Variants in PCCB observed in about 807,000 individuals in gnomAD.
The protein encoded by PCCB is propionyl-CoA carboxylase beta chain, mitochondrial.
In PCCB, 43 loss-of-function variants were observed where a neutral mutation model predicts 60.7. The ratio of observed to expected loss-of-function variants is 0.71; its 90% CI spans 0.55 to 0.91. The LOEUF is 0.91. Among genes scored for constraint, PCCB ranks in the 40% least tolerant of loss-of-function variants. The pLI, the probability that PCCB is intolerant of heterozygous loss-of-function variation, is 0.00. For missense variants in PCCB, 766 were observed against 702.8 expected (o/e 1.09, Z -1.02); for synonymous variants, 276 against 255.9 (o/e 1.08, Z -0.75).
At chr3:136,284,940 T>C (rs1300719703) in intron 6 of PCCB, among the ~76,000 whole-genome samples, 2 of 151,804 alleles carry the variant, frequency 1.3e-5, no homozygotes, top group Non-Finnish European at 2.9e-5. Flanking sequence ...ATACAAAAAT[T>C]AGCTGGGCGT....
Position 136,329,927 on chromosome 3 carries a change from A to T in PCCB, c.1521A>T (p.Gln507His). ...CAGGGTTTGTGGATGACATCATCCA[A>T]CCTTCTTCCACACGTGCCCGAATCT... ...AVRGFVDDII[Q>H]PSSTRARICC... The change falls in exon 15 of 15, where the codon CAA becomes CAT. Residue 507 changes from glutamine to histidine, a missense_variant. Physicochemically the swap from Gln to His is conservative, Grantham distance 24 (BLOSUM62 0). Transcript: ENST00000251654. 4 of 1,614,128 alleles carry T rather than the reference A, an allele frequency of 2.5e-6. No homozygotes were observed. The highest frequency in any genetic ancestry group is 3.4e-6 in the Non-Finnish European group (4 of 1,180,012).
At chr3:136,319,242 T>G (rs1935023005) in intron 10 of PCCB, among the ~76,000 whole-genome samples, 2 of 152,186 alleles carry the variant, frequency 1.3e-5, no homozygotes, top group African/African-American at 4.8e-5. Context: ...TCCTTTTCCA[T>G]TTTTTAATTT....
intron 4 of PCCB, among the ~76,000 whole-genome samples, chr3:136,261,740 G>T (rs1460443826): frequency 1.3e-5 from 2 of 152,202 alleles, no homozygotes; most frequent in African/African-American, 4.8e-5. Flanking sequence ...TGGCTCTTGG[G>T]TGTTTGGGGG....
intron 5 of PCCB, among the ~76,000 whole-genome samples, chr3:136,268,093 T>TATATATATATATATAC (rs1942070653): frequency 1.2e-5 from 1 of 85,526 alleles, no homozygotes; most frequent in Admixed American, 1.2e-4. Flanking sequence ...TGTAGATATA[T>TATATATATATATATAC]ATATATATAT....
intron 8 of PCCB, among the ~76,000 whole-genome samples, chr3:136,299,476 A>C (rs575147065): frequency 6.6e-6 from 1 of 150,760 alleles, no homozygotes; most frequent in East Asian, 1.9e-4. Flanking sequence ...ATAGGTATGC[A>C]TGTGTATGTA....
At chr3:136,252,714 G>A (rs553078423) in intron 1 of PCCB, among the ~76,000 whole-genome samples, 2 of 147,358 alleles carry the variant, frequency 1.4e-5, no homozygotes, top group African/African-American at 5.1e-5. Flanking sequence ...TTGTTGCCCA[G>A]GCTGGTCTCA....
chr3:136,251,933 C>T (rs1038587545), intron 1 of PCCB, among the ~76,000 whole-genome samples: 1 of 151,158 alleles, frequency 6.6e-6, no homozygotes. Flanking sequence ...GCTGGAGTGC[C>T]ATGGTGCGAT....
In PCCB at chr3:136,294,178, A is replaced by G. The variant is rs566911526; in HGVS notation, c.763+314A>G. Among the ~76,000 whole-genome samples, 40 of 152,232 alleles carry G rather than the reference A, an allele frequency of 2.6e-4. 1 individual carries two copies. The highest frequency in any genetic ancestry group is 7.2e-4 in the Admixed American group (11 of 15,294). ...TTATGTATGTACAGTTGAACCTTTG[A>G]AAAAAAATTTTATCTTATTGTGACA... On this transcript the variant is annotated intron_variant, in intron 7 of 14. Transcript: ENST00000251654.
intron 5 of PCCB, among the ~76,000 whole-genome samples, chr3:136,273,619 T>A (rs1415621115): frequency 3.8e-5 from 5 of 132,292 alleles, no homozygotes; most frequent in Non-Finnish European, 8.2e-5. Flanking sequence ...TTTTTTTTTT[T>A]ACTGTTGTTG....
At position 136,250,363 on chromosome 3, in the gene PCCB, C is replaced by G. The variant is rs1173070939; in HGVS notation, c.-13C>G. The G allele has an allele frequency of 1.3e-6, 2 of 1,511,056 alleles. No homozygotes were observed. The highest frequency in any genetic ancestry group is 4.2e-5 in the Admixed American group (2 of 48,074). 93.6% of individuals were successfully genotyped at this position (1,511,056 alleles called of 1,614,324 possible). Reference sequence around the variant, plus strand: ...TCAGGTGCGCCGGTAGGGGACGCGCCGGCACAGCAAAAATGGCGGCGGCAT... The same window carrying G: ...TCAGGTGCGCCGGTAGGGGACGCGCGGGCACAGCAAAAATGGCGGCGGCAT... On this transcript the variant is annotated 5_prime_UTR_variant, in exon 1 of 15. Coordinates refer to ENST00000251654, the MANE Select transcript of PCCB (RefSeq NM_000532.5).
chr3:136,302,487 C>T (rs958184616), intron 9 of PCCB, among the ~76,000 whole-genome samples: 2 of 120,890 alleles, frequency 1.7e-5, no homozygotes, highest in African/African-American at 5.0e-5. Context: ...TTATATCCTG[C>T]TACCTATTAA....
At chr3:136,257,911 T>C (rs1309716634) in intron 3 of PCCB, among the ~76,000 whole-genome samples, 2 of 152,172 alleles carry the variant, frequency 1.3e-5, no homozygotes, top group Non-Finnish European at 2.9e-5. Context: ...CGAGCCTGGG[T>C]GGCAGAGTGA....
chr3:136,325,186 G>A (rs1935259756), intron 10 of PCCB, among the ~76,000 whole-genome samples: 1 of 151,968 alleles, frequency 6.6e-6, no homozygotes, highest in Admixed American at 6.6e-5. Context: ...CACCACATCT[G>A]GCCATTTTTT....
At chr3:136,273,260 A>G (rs576540619) in intron 5 of PCCB, among the ~76,000 whole-genome samples, 2 of 152,226 alleles carry the variant, frequency 1.3e-5, no homozygotes, top group East Asian at 3.9e-4. Flanking sequence ...AGAATGTTCC[A>G]TGTGTTGAGG....
chr3:136,268,092 A>ATATATATATATGTATATG, intron 5 of PCCB, among the ~76,000 whole-genome samples: 1 of 54,474 alleles, frequency 1.8e-5, no homozygotes, highest in Non-Finnish European at 3.7e-5. Flanking sequence ...GTGTAGATAT[A>ATATATATATATGTATATG]TATATATATA....
chr3:136,319,072 CA>C (rs1935015723), intron 10 of PCCB, among the ~76,000 whole-genome samples: 1 of 152,160 alleles, frequency 6.6e-6, no homozygotes, highest in African/African-American at 2.4e-5. Context: ...TCCTTGCCAA[CA>C]CTTATTATTA....
intron 5 of PCCB, among the ~76,000 whole-genome samples, chr3:136,263,357 C>T (rs1301675648): frequency 6.6e-6 from 1 of 151,380 alleles, no homozygotes; most frequent in Admixed American, 6.6e-5. Flanking sequence ...CCTCAGCCTC[C>T]TGGGCTCAAG....
At chr3:136,273,769 G>C (rs983945893) in intron 5 of PCCB, among the ~76,000 whole-genome samples, 14 of 149,818 alleles carry the variant, frequency 9.3e-5, no homozygotes, top group Admixed American at 7.3e-4. Flanking sequence ...AAAATTAGCC[G>C]GGCGTGGTGG....
chr3:136,301,518 A>C (rs199725173), intron 9 of PCCB, among the ~76,000 whole-genome samples: 150 of 152,184 alleles, frequency 9.9e-4, no homozygotes, highest in African/African-American at 3.5e-3. Flanking sequence ...GCATCCTAGA[A>C]GGTTGGACTG....
Sources: gnomAD v4.1 joint callset for allele counts (sites outside exome capture counted in the v4.1 genomes callset) on GRCh38, gnomAD v4.1.1 for gene constraint, MANE v1.5 for transcripts, NCBI Gene and HGNC (gene_info 2026-07-23, HGNC 2026-07-21) for gene names.